Variants in FSIP2 observed in about 807,000 individuals in gnomAD.
FSIP2 encodes fibrous sheath-interacting protein 2.
A neutral mutation model predicts 510.5 loss-of-function variants in FSIP2; 367 were observed. The observed-to-expected ratio is 0.72, with a 90% CI of 0.66 to 0.78. FSIP2 has a LOEUF of 0.78. FSIP2 is among the 30% of genes least tolerant of loss of function. FSIP2 has a pLI of 0.00. For missense variants in FSIP2, 7,594 were observed against 7,901.7 expected, an observed-to-expected ratio of 0.96 and a Z score of 1.48; for synonymous variants, 2,601 against 2,732.2, an observed-to-expected ratio of 0.95 and a Z score of 1.50.
In FSIP2 at chr2:185,793,497, A is replaced by T. The variant is rs893864371; in HGVS notation, c.6361A>T (p.Ser2121Cys). ...LSFATPTLKCSIADKHSEENS... is the reference protein window; with the variant it reads ...LSFATPTLKCCIADKHSEENS... ...ATTTGCCACACCCACTCTGAAATGTAGCATAGCTGATAAACATTCAGAAGA... is the reference window on the plus strand; with the variant it reads ...ATTTGCCACACCCACTCTGAAATGTTGCATAGCTGATAAACATTCAGAAGA... The change falls in exon 16 of 23, where the codon AGC becomes TGC. Residue 2121 changes from serine (S) to cysteine (C), a missense_variant. Physicochemically the swap from Ser to Cys is moderately radical, Grantham distance 112. Transcript: ENST00000424728. 1.1e-5 allele frequency: 17 copies of T among 1,534,346 alleles called. No homozygotes were observed. In the African/African-American group the frequency reaches 2.1e-4, roughly 19 times the overall value.
chr2:185,765,772 A>G (rs1276252679), intron 13 of FSIP2: 1 of 152,050 alleles, frequency 6.6e-6, no homozygotes, highest in Non-Finnish European at 1.5e-5. Flanking sequence ...CTTCCTACCC[A>G]TGAGCATGGA....
chr2:185,815,371 AAAG>A lies in FSIP2; in HGVS notation c.20332_20334del (p.Glu6778del). The A allele has an allele frequency of 2.2e-6, 3 of 1,378,718 alleles. No individual in the cohort carries two copies. The highest frequency in any genetic ancestry group is 3.1e-6 in the Non-Finnish European group (3 of 981,368). 85.4% of individuals were successfully genotyped at this position (1,378,718 alleles called of 1,614,324 possible). ...TAATAGCTGATTTGTCCTTTTCCAG[AAAG>A]AAGAAAAGAATCTTGTTACTGAACC... On this transcript the variant is annotated inframe_deletion and splice_region_variant, in exon 19 of 23. Transcript: ENST00000424728.
At chr2:185,781,983 C>G (rs937394524) in intron 13 of FSIP2, among the ~76,000 whole-genome samples, 1 of 152,128 alleles carries the variant, frequency 6.6e-6, no homozygotes, top group African/African-American at 2.4e-5. Flanking sequence ...GGACTACAGG[C>G]GCAGGCCGCG....
chr2:185,777,690 C>T (rs918548623), intron 13 of FSIP2, among the ~76,000 whole-genome samples: 4 of 152,008 alleles, frequency 2.6e-5, no homozygotes, highest in South Asian at 4.1e-4. Flanking sequence ...GGCCACACAT[C>T]CTTGATTAAA....
At position 185,745,345 on chromosome 2, in the gene FSIP2, A is replaced by G. The variant is rs1190349543; in HGVS notation, c.478-84A>G. On this transcript the variant is annotated intron_variant, in intron 4 of 22. Coordinates refer to ENST00000424728, the MANE Select transcript of FSIP2 (RefSeq NM_173651.4). ...TGCAATTAAACAGAATTAAGCATTT[A>G]TAAAATATATAAATTTAAATGGTTT... The G allele has an allele frequency of 7.3e-6, 6 of 825,356 alleles. No homozygotes were observed. The East Asian group carries it at 1.8e-4, about 25-fold the overall frequency. 51.1% of individuals were successfully genotyped at this position (825,356 alleles called of 1,614,324 possible).
intron 15 of FSIP2, among the ~76,000 whole-genome samples, chr2:185,787,649 T>C (rs1322175590): frequency 6.6e-6 from 1 of 151,790 alleles, no homozygotes; most frequent in Non-Finnish European, 1.5e-5. Context: ...TATTTGCAGT[T>C]GCTAAATAGA....
rs932575362 is a variant in FSIP2 at position 185,802,095 on chromosome 2, G to T, written c.12789G>T (p.Leu4263Phe). The part of the protein sequence containing the change: ...EIIENHLQPF[L>F]SGEVLCHPRT... ...TCGAAAATCATCTTCAACCATTTTT[G>T]AGTGGAGAGGTTTTATGTCATCCAA... The change falls in exon 17 of 23, where the codon TTG becomes TTT. Residue 4263 changes from leucine (L) to phenylalanine (F), a missense_variant. Physicochemically the swap from Leu to Phe is conservative, Grantham distance 22 (BLOSUM62 0). Coordinates refer to ENST00000424728, the MANE Select transcript of FSIP2 (RefSeq NM_173651.4). 1 of 1,533,348 alleles carries T rather than the reference G, an allele frequency of 6.5e-7. No homozygotes were observed. 95.0% of individuals were successfully genotyped at this position (1,533,348 alleles called of 1,614,324 possible). A position where few individuals can be genotyped will look rare whatever the true frequency, so the allele number is the denominator to read the frequency against.
chr2:185,768,119 A>AT (rs750096887), intron 13 of FSIP2, among the ~76,000 whole-genome samples: 76 of 151,478 alleles, frequency 5.0e-4, no homozygotes, highest in Middle Eastern at 3.4e-3. Flanking sequence ...ATTTTTAATA[A>AT]TTTTTTTTTA....
Position 185,806,656 on chromosome 2 carries a change from G to C in FSIP2, c.17350G>C (p.Ala5784Pro), listed in dbSNP as rs774274371. The C allele has an allele frequency of 6.2e-7, 1 of 1,603,086 alleles. No homozygotes were observed. Among genetic ancestry groups the C allele is most frequent in the Non-Finnish European group, 8.5e-7 (1 of 1,176,482 alleles). The change falls in exon 17 of 23, where the codon GCT becomes CCT. Residue 5784 changes from alanine (A) to proline (P), a missense_variant. By Grantham distance (27) the Ala-to-Pro change is conservative. Transcript: ENST00000424728. ...AGAAAGTAAACCTGGAATTTTTCCC[G>C]CTAAGTTTTTAGAAGATGTTATTAC... ...QRESKPGIFP[A>P]KFLEDVITEM...
rs1390919182 is a variant in FSIP2 at position 185,806,583 on chromosome 2, G to C, written c.17277G>C (p.Glu5759Asp). ...EEEREKEKVR[E>D]EIKSEPSKPD... is the part of the protein sequence containing the mutation. ...AGAGAGAAAAAGAGAAAGTAAGAGA[G>C]GAGATTAAAAGTGAACCCAGTAAAC... The change falls in exon 17 of 23, where the codon GAG becomes GAC. Residue 5759 changes from glutamate (E) to aspartate (D), a missense_variant. Coordinates refer to ENST00000424728, the MANE Select transcript of FSIP2 (RefSeq NM_173651.4). 6.2e-7 allele frequency: 1 copy of C among 1,606,852 alleles called. No homozygotes were observed. The highest frequency in any genetic ancestry group is 1.3e-5 in the African/African-American group (1 of 74,274).
intron 2 of FSIP2, among the ~76,000 whole-genome samples, chr2:185,742,877 TGA>T (rs1262071544): frequency 2.6e-5 from 4 of 152,142 alleles, no homozygotes; most frequent in African/African-American, 9.7e-5. Flanking sequence ...CTTATTTGGC[TGA>T]GAGTCAGGGG....
chr2:185,785,344 C>T (rs146571278), intron 14 of FSIP2, among the ~76,000 whole-genome samples: 26 of 152,014 alleles, frequency 1.7e-4, no homozygotes, highest in African/African-American at 4.6e-4. Flanking sequence ...TGAACTGAAC[C>T]CAGTGAAGTT....
chr2:185,803,995 A>G lies in FSIP2; in HGVS notation c.14689A>G (p.Ser4897Gly). The change falls in exon 17 of 23, where the codon AGT becomes GGT. Residue 4897 changes from serine to glycine, a missense_variant. Transcript: ENST00000424728. ...ISDIPVSKIA[S>G]FIIKEIFNHH... ...TGACATACCTGTTTCAAAAATAGCGAGTTTTATAATAAAAGAAATCTTTAA... is the reference window on the plus strand; with the variant it reads ...TGACATACCTGTTTCAAAAATAGCGGGTTTTATAATAAAAGAAATCTTTAA... 1 of 1,495,986 alleles carries G rather than the reference A, an allele frequency of 6.7e-7. No individual in the cohort carries two copies. Among genetic ancestry groups the G allele is most frequent in the African/African-American group, 1.4e-5 (1 of 70,994 alleles). The allele number at this position is 1,495,986 out of a possible 1,614,324, so 92.7% of individuals were successfully genotyped here.
chr2:185,819,916 C>T (rs377282018), intron 19 of FSIP2, among the ~76,000 whole-genome samples: 19 of 151,954 alleles, frequency 1.3e-4, no homozygotes, highest in East Asian at 1.2e-3. Flanking sequence ...ATGCACCAAA[C>T]ATCAGAGCTC....
In FSIP2 at chr2:185,802,988, C is replaced by T. The variant is rs746064280; in HGVS notation, c.13682C>T (p.Ala4561Val). The change falls in exon 17 of 23, where the codon GCT becomes GTT. Residue 4561 changes from alanine to valine, a missense_variant. By Grantham distance (64) the Ala-to-Val change is moderately conservative. Transcript: ENST00000424728. ...CAAACCTCTGGTTCTCAAGAATCAG[C>T]TGTGCAAAATATCACAAGCAGTAAT... ...VVQTSGSQESAVQNITSSNDI... is the reference protein window; with the variant it reads ...VVQTSGSQESVVQNITSSNDI... The T allele has an allele frequency of 2.3e-5, 35 of 1,530,844 alleles. No individual in the cohort carries two copies. The highest frequency in any genetic ancestry group is 2.8e-5 in the Non-Finnish European group (32 of 1,144,120). The allele number at this position is 1,530,844 out of a possible 1,614,324, so 94.8% of individuals were successfully genotyped here. A position where few individuals can be genotyped will look rare whatever the true frequency, so the allele number is the denominator to read the frequency against.
intron 13 of FSIP2, among the ~76,000 whole-genome samples, chr2:185,777,289 T>C: frequency 6.6e-6 from 1 of 152,132 alleles, no homozygotes; most frequent in African/African-American, 2.4e-5. Flanking sequence ...ATATTAATCC[T>C]GTCCCCATAA....
chr2:185,821,473 G>GC (rs1693918022), intron 19 of FSIP2, among the ~76,000 whole-genome samples: 1 of 151,862 alleles, frequency 6.6e-6, no homozygotes, highest in Admixed American at 6.6e-5. Context: ...ACCAAAGACT[G>GC]CAAGAAAACA....
intron 22 of FSIP2, among the ~76,000 whole-genome samples, chr2:185,832,164 A>G (rs1000381180): frequency 2.0e-5 from 3 of 151,960 alleles, no homozygotes; most frequent in Non-Finnish European, 2.9e-5. Flanking sequence ...GAATCATTAA[A>G]GAGAAAAATG....
At chr2:185,773,051 G>A (rs899551466) in intron 13 of FSIP2, among the ~76,000 whole-genome samples, 2 of 151,714 alleles carry the variant, frequency 1.3e-5, no homozygotes, top group Admixed American at 6.6e-5. Flanking sequence ...AGTACAGATG[G>A]GGTTTTGTCA....
Sources: allele counts gnomAD v4.1 joint callset (sites outside exome capture counted in the v4.1 genomes callset), GRCh38; gene constraint gnomAD v4.1.1; transcripts MANE v1.5; gene names NCBI Gene and HGNC (gene_info 2026-07-23, HGNC 2026-07-21).